KCNMA1: variants seen among roughly 807,000 people sequenced by gnomAD.
KCNMA1 encodes the protein Calcium-activated potassium channel subunit alpha-1.
Under a neutral mutation model 140.0 loss-of-function variants are expected in KCNMA1, and 29 were observed. That is an observed-to-expected ratio of 0.21 (90% CI 0.15 to 0.28). The LOEUF (loss-of-function observed/expected upper bound fraction) is 0.28. KCNMA1 is among the 10% of genes least tolerant of loss of function. The pLI, the probability that KCNMA1 is intolerant of heterozygous loss-of-function variation, is 1.00. For synonymous variants in KCNMA1, 612 were observed against 611.9 expected (o/e 1.00, Z 0.00); for missense variants, 880 against 1,602.2 (o/e 0.55, Z 7.70).
intron 5 of KCNMA1, among the ~76,000 whole-genome samples, chr10:77,127,080 ACACACACACACAC>A (rs1221420508): frequency 4.0e-3 from 10 of 2,524 alleles, no homozygotes; most frequent in Middle Eastern, 0.17. Context: ...AAACACACAC[ACACACACACACAC>A]ACACACACAC....
At chr10:77,000,205 T>A (rs1431066370) in intron 19 of KCNMA1, among the ~76,000 whole-genome samples, 1 of 152,186 alleles carries the variant, frequency 6.6e-6, no homozygotes, top group Non-Finnish European at 1.5e-5. Context: ...TAGCAATATA[T>A]GTGTTGGCTG....
downstream of KCNMA1, chr10:76,875,091 A>T (rs1249600387): frequency 6.6e-6 from 1 of 152,232 alleles, no homozygotes; most frequent in Non-Finnish European, 1.5e-5. Flanking sequence ...AACAAGTAGG[A>T]ACAAGCCAGG....
intron 1 of KCNMA1, among the ~76,000 whole-genome samples, chr10:77,461,266 C>G (rs1287579356): frequency 2.6e-5 from 4 of 150,986 alleles, no homozygotes; most frequent in African/African-American, 9.7e-5. Context: ...CCTGGACCCT[C>G]CCTCTTTTCT....
chr10:76,887,340 C>G lies in KCNMA1; in HGVS notation c.3637G>C (p.Ala1213Pro). Residue 1213 changes from alanine to proline, a missense_variant, in exon 28 of 28, where the codon GCA becomes CCA. Ala to Pro is a conservative substitution (Grantham distance 27). Transcript: ENST00000286628. Reference protein sequence around the residue: ...SSSVHSIPSTANRQNRPKSRE... With the variant: ...SSSVHSIPSTPNRQNRPKSRE... ...GACTTGGGCCGGTTCTGTCGGTTTG[C>G]TGTGGATGGGATGGAGTGAACAGAG... The G allele has an allele frequency of 6.2e-7, 1 of 1,614,064 alleles. No individual in the cohort carries two copies. The highest frequency in any genetic ancestry group is 8.5e-7 in the Non-Finnish European group (1 of 1,180,008).
At chr10:76,974,818 T>C (rs1264916027) in intron 19 of KCNMA1, among the ~76,000 whole-genome samples, 1 of 152,180 alleles carries the variant, frequency 6.6e-6, no homozygotes, top group African/African-American at 2.4e-5. Context: ...ACAATCTTCT[T>C]GGTATAATTT....
At chr10:77,199,499 A>G (rs2041779924) in intron 3 of KCNMA1, among the ~76,000 whole-genome samples, 1 of 152,030 alleles carries the variant, frequency 6.6e-6, no homozygotes, top group Admixed American at 6.6e-5. Flanking sequence ...AATAATACCT[A>G]CCTCCTGAGG....
At chr10:77,119,187 G>A (rs958440182) in intron 6 of KCNMA1, among the ~76,000 whole-genome samples, 1 of 152,196 alleles carries the variant, frequency 6.6e-6, no homozygotes, top group Non-Finnish European at 1.5e-5. Context: ...GGATCCCACA[G>A]CCACTTCCCG....
chr10:77,327,806 G>C (rs1357836891), intron 2 of KCNMA1, among the ~76,000 whole-genome samples: 9 of 152,000 alleles, frequency 5.9e-5, no homozygotes. Flanking sequence ...TTTCAAGACA[G>C]ACAAACCTGG....
intron 1 of KCNMA1, among the ~76,000 whole-genome samples, chr10:77,584,530 T>A (rs1308550184): frequency 6.6e-6 from 1 of 152,104 alleles, no homozygotes; most frequent in Non-Finnish European, 1.5e-5. Flanking sequence ...AATTTTTGTA[T>A]TTTTAGTAGA....
chr10:77,070,603 T>C (rs982356041), intron 14 of KCNMA1, among the ~76,000 whole-genome samples: 1 of 152,172 alleles, frequency 6.6e-6, no homozygotes, highest in South Asian at 2.1e-4. Context: ...TTCTCCGTCA[T>C]AGGATACGGA....
At chr10:77,567,759 C>T (rs1268315569) in intron 1 of KCNMA1, among the ~76,000 whole-genome samples, 2 of 152,044 alleles carry the variant, frequency 1.3e-5, no homozygotes, top group Non-Finnish European at 2.9e-5. Flanking sequence ...TGCATTATGA[C>T]ACATTTAATC....
intron 1 of KCNMA1, among the ~76,000 whole-genome samples, chr10:77,425,584 G>A (rs909191712): frequency 6.6e-6 from 1 of 152,156 alleles, no homozygotes; most frequent in Admixed American, 6.5e-5. Context: ...CGACCCCAGA[G>A]GCATTGGTCT....
intron 1 of KCNMA1, among the ~76,000 whole-genome samples, chr10:77,446,696 C>A (rs542168342): frequency 2.6e-5 from 4 of 152,312 alleles, no homozygotes; most frequent in Non-Finnish European, 2.9e-5. Context: ...GTTGACCTGA[C>A]TTCCTTAGAG....
At chr10:76,901,025 C>T (rs76657360) in intron 25 of KCNMA1, among the ~76,000 whole-genome samples, 1,681 of 152,038 alleles carry the variant, frequency 0.011, 23 homozygotes, top group African/African-American at 0.036. Context: ...AGCTAAATAG[C>T]CAAAAATTTA....
intron 5 of KCNMA1, among the ~76,000 whole-genome samples, chr10:77,152,996 T>C (rs2098442056): frequency 6.6e-6 from 1 of 152,186 alleles, no homozygotes; most frequent in African/African-American, 2.4e-5. Context: ...CCTGGAGCCA[T>C]GCATCAGGTA....
At chr10:77,043,860 C>T (rs1475381713) in intron 14 of KCNMA1, among the ~76,000 whole-genome samples, 4 of 152,222 alleles carry the variant, frequency 2.6e-5, no homozygotes. Context: ...GAGGAGTCAT[C>T]GTTTAACTGA....
chr10:77,570,504 G>A (rs977190777), intron 1 of KCNMA1, among the ~76,000 whole-genome samples: 20 of 145,804 alleles, frequency 1.4e-4, no homozygotes, highest in African/African-American at 3.3e-4. Context: ...ACCAAACACC[G>A]CATATTCTCA....
intron 19 of KCNMA1, chr10:76,980,502 C>T (rs1405943149): frequency 6.6e-6 from 1 of 152,186 alleles, no homozygotes; most frequent in African/African-American, 2.4e-5. Context: ...CAACTACTGT[C>T]CCCAGTGTGC....
intron 18 of KCNMA1, among the ~76,000 whole-genome samples, chr10:77,007,302 G>A (rs1234211007): frequency 6.6e-6 from 1 of 152,172 alleles, no homozygotes; most frequent in South Asian, 2.1e-4. Context: ...CCTTAAACAG[G>A]TAAAGGGATC....
Sources: allele counts gnomAD v4.1 joint callset (sites outside exome capture counted in the v4.1 genomes callset), GRCh38; gene constraint gnomAD v4.1.1; transcripts MANE v1.5; gene names NCBI Gene and HGNC (gene_info 2026-07-23, HGNC 2026-07-21).